Variants in PARD3B observed in about 807,000 individuals in gnomAD.
The protein encoded by PARD3B is partitioning defective 3 homolog B.
A neutral mutation model predicts 130.2 loss-of-function variants in PARD3B; 103 were observed. The ratio of observed to expected loss-of-function variants is 0.79; its 90% CI spans 0.67 to 0.93. The LOEUF (loss-of-function observed/expected upper bound fraction) is 0.93, where lower values mean the gene tolerates loss of function less well. PARD3B is among the 40% of genes least tolerant of loss of function. The pLI is 0.00. For missense variants in PARD3B, 1,609 were observed against 1,499.2 expected, an observed-to-expected ratio of 1.07 and a Z score of -1.21; for synonymous variants, 583 against 553.2, an observed-to-expected ratio of 1.05 and a Z score of -0.76.
chr2:205,332,622 C>A (rs2043177330), intron 18 of PARD3B, among the ~76,000 whole-genome samples: 1 of 152,128 alleles, frequency 6.6e-6, no homozygotes, highest in Non-Finnish European at 1.5e-5. Flanking sequence ...GCTTGAGGAG[C>A]TTTTGAGGGG....
intron 1 of PARD3B, among the ~76,000 whole-genome samples, chr2:204,596,944 G>T (rs1243519840): frequency 1.3e-5 from 2 of 149,802 alleles, no homozygotes; most frequent in African/African-American, 4.9e-5. Context: ...CTCTCTATCT[G>T]TCTCTCTCTC....
chr2:205,197,705 T>C (rs112218033), intron 15 of PARD3B, among the ~76,000 whole-genome samples: 1 of 152,336 alleles, frequency 6.6e-6, no homozygotes, highest in East Asian at 1.9e-4. Context: ...GGTTAGGGTG[T>C]CACTTAAGAG....
At chr2:205,337,586 G>T (rs2043359000) in intron 18 of PARD3B, among the ~76,000 whole-genome samples, 1 of 152,168 alleles carries the variant, frequency 6.6e-6, no homozygotes, top group Admixed American at 6.5e-5. Context: ...TCTGCTGAGA[G>T]TACTAATTTT....
chr2:205,336,390 T>TA (rs1273745270), intron 18 of PARD3B, among the ~76,000 whole-genome samples: 1 of 152,236 alleles, frequency 6.6e-6, no homozygotes, highest in Admixed American at 6.5e-5. Flanking sequence ...ACATTGGACT[T>TA]AGAATCTCTG....
chr2:205,239,704 C>T lies in PARD3B; in HGVS notation c.2141-6074C>T, dbSNP rs111421588. ...TGTGAACATATGGATAGTTGGATAA[C>T]GATGAAGGGAATAAGCCCTCCTTTT... On this transcript the variant is annotated intron_variant, in intron 15 of 22. Coordinates refer to ENST00000406610, the MANE Select transcript of PARD3B (RefSeq NM_001302769.2). 7.8e-3 allele frequency among the ~76,000 whole-genome samples: 1,181 copies of T among 152,214 alleles called. 19 individuals are homozygous for T. The highest frequency in any genetic ancestry group is 0.027 in the African/African-American group (1,104 of 41,530).
At chr2:204,763,203 C>T (rs994245024) in intron 2 of PARD3B, among the ~76,000 whole-genome samples, 1 of 152,216 alleles carries the variant, frequency 6.6e-6, no homozygotes, top group African/African-American at 2.4e-5. Flanking sequence ...GGATTGTTAA[C>T]TGCTTTCCGA....
intron 1 of PARD3B, among the ~76,000 whole-genome samples, chr2:204,596,316 CTTCA>C (rs1417146318): frequency 1.3e-5 from 2 of 152,124 alleles, no homozygotes; most frequent in Non-Finnish European, 2.9e-5. Context: ...ATCAATGTGG[CTTCA>C]TTGTTTTTCT....
At chr2:204,611,850 CTA>C (rs3051347) in intron 1 of PARD3B, among the ~76,000 whole-genome samples, 102,856 of 151,708 alleles carry the variant, frequency 0.68, 36,386 homozygotes, top group Middle Eastern at 0.78. Context: ...ATATCTATAT[CTA>C]TATATATGTG....
rs2041127065 is a variant in PARD3B, at chr2:204,765,978, C to T, written c.222+79696C>T. On this transcript the variant is annotated intron_variant, in intron 2 of 22. Transcript: ENST00000406610. ...TTAATAGTAATGGTTTCCTGTATTA[C>T]TTGGCATATTTTGAAAGCAAATTAA... 3.3e-5 allele frequency among the ~76,000 whole-genome samples: 5 copies of T among 152,282 alleles called. No homozygotes were observed. In the South Asian group the frequency reaches 1.0e-3, roughly 32 times the overall value.
chr2:204,749,677 T>C (rs1266121314), intron 2 of PARD3B, among the ~76,000 whole-genome samples: 1 of 152,212 alleles, frequency 6.6e-6, no homozygotes, highest in Non-Finnish European at 1.5e-5. Context: ...AAAGCTAACC[T>C]GAACAACTCT....
At chr2:205,484,985 G>A (rs572892960) in intron 20 of PARD3B, among the ~76,000 whole-genome samples, 3 of 152,104 alleles carry the variant, frequency 2.0e-5, no homozygotes, top group Admixed American at 1.3e-4. Flanking sequence ...TTTGATATTC[G>A]ACAACTCATT....
intron 6 of PARD3B, among the ~76,000 whole-genome samples, chr2:205,118,591 A>G (rs1197071650): frequency 6.6e-6 from 1 of 152,236 alleles, no homozygotes; most frequent in Non-Finnish European, 1.5e-5. Context: ...CAGACTTACT[A>G]TAGTCAGGTG....
At chr2:205,077,504 G>A (rs1004925168) in intron 4 of PARD3B, among the ~76,000 whole-genome samples, 1 of 152,104 alleles carries the variant, frequency 6.6e-6, no homozygotes, top group Non-Finnish European at 1.5e-5. Context: ...TGATGCATGC[G>A]TGCTTGATTT....
At chr2:205,000,495 TCA>T (rs1694742040) in intron 3 of PARD3B, among the ~76,000 whole-genome samples, 1 of 152,194 alleles carries the variant, frequency 6.6e-6, no homozygotes, top group South Asian at 2.1e-4. Context: ...TATGGCACAG[TCA>T]CATAAAAAGC....
chr2:204,759,635 C>G (rs1368195656), intron 2 of PARD3B, among the ~76,000 whole-genome samples: 6 of 152,048 alleles, frequency 3.9e-5, no homozygotes, highest in Admixed American at 3.9e-4. Flanking sequence ...ATTTCCAACA[C>G]ATATCTTTCT....
chr2:205,617,361 G>T lies in PARD3B; in HGVS notation c.*1548G>T, dbSNP rs371626267. ...TATTCCCTCCAAAAAAAAAAGTCTT[G>T]AGTTTAATTTAGGTCTATTTTGGCT... On this transcript the variant is annotated 3_prime_UTR_variant, in exon 23 of 23. Coordinates refer to ENST00000406610, the MANE Select transcript of PARD3B (RefSeq NM_001302769.2). 1.4e-4 allele frequency: 21 copies of T among 152,016 alleles called. No homozygotes were observed. In the East Asian group the frequency reaches 4.1e-3, roughly 29 times the overall value. 9.4% of individuals were successfully genotyped at this position (152,016 alleles called of 1,614,324 possible). A position where few individuals can be genotyped will look rare whatever the true frequency, so the allele number is the denominator to read the frequency against.
chr2:204,705,621 T>C (rs2038104356), intron 2 of PARD3B, among the ~76,000 whole-genome samples: 1 of 152,174 alleles, frequency 6.6e-6, no homozygotes. Context: ...AACTTCTATT[T>C]AATAGATGTC....
At position 205,589,938 on chromosome 2, in the gene PARD3B, A is replaced by G. The variant is rs1157178840; in HGVS notation, c.3261-25518A>G. On this transcript the variant is annotated intron_variant, in intron 22 of 22. Transcript: ENST00000406610. The surrounding 1 kb of genome is among the most constrained non-coding windows in gnomAD (Gnocchi z 4.1). ...GCTTTTCATTTTCTCTACCCTGGAA[A>G]TGTTGAAAGCTGTATCAAGCTGAAG... 6.6e-6 allele frequency among the ~76,000 whole-genome samples: 1 copy of G among 152,058 alleles called. No individual in the cohort carries two copies. Among genetic ancestry groups the G allele is most frequent in the Admixed American group, 6.5e-5 (1 of 15,276 alleles).
chr2:204,727,253 C>G (rs955908308), intron 2 of PARD3B, among the ~76,000 whole-genome samples: 2 of 152,150 alleles, frequency 1.3e-5, no homozygotes, highest in Admixed American at 6.6e-5. Context: ...ATGTTTCATT[C>G]TCTTTGAATA....
Sources: allele counts gnomAD v4.1 joint callset (sites outside exome capture counted in the v4.1 genomes callset), GRCh38; gene constraint gnomAD v4.1.1; non-coding constraint Gnocchi (gnomAD v3.1); transcripts MANE v1.5; gene names NCBI Gene and HGNC (gene_info 2026-07-23, HGNC 2026-07-21).